CD276: variants seen among roughly 807,000 people sequenced by gnomAD.
CD276 encodes CD276 molecule.
A neutral mutation model predicts 50.0 loss-of-function variants in CD276; 34 were observed. The observed-to-expected ratio is 0.68, with a 90% CI of 0.52 to 0.91. CD276 has a LOEUF of 0.91. Among genes scored for constraint, CD276 ranks in the 40% least tolerant of loss-of-function variants. The pLI is 0.00. For synonymous variants in CD276, 275 were observed against 313.0 expected (o/e 0.88, Z 1.28); for missense variants, 634 against 717.5 (o/e 0.88, Z 1.33).
At chr15:73,692,501 G>A (rs1458302210) in intron 1 of CD276, among the ~76,000 whole-genome samples, 1 of 152,134 alleles carries the variant, frequency 6.6e-6, no homozygotes, top group Non-Finnish European at 1.5e-5. Context: ...CAGAATTGTT[G>A]GGAAGCTTAA....
At chr15:73,703,153 C>G in intron 4 of CD276, 67 bp downstream of exon 4, 1 of 1,491,020 alleles carries the variant, frequency 6.7e-7, no homozygotes, top group Non-Finnish European at 9.0e-7. Context: ...GTTGGGAGCT[C>G]CGAATCTGGC....
chr15:73,686,922 G>A (rs746248816), intron 1 of CD276, among the ~76,000 whole-genome samples: 9 of 152,134 alleles, frequency 5.9e-5, no homozygotes, highest in Non-Finnish European at 1.2e-4. Flanking sequence ...TACTGCCCAT[G>A]AGCTTATCCT....
At chr15:73,709,347 TA>T (rs1232222763) in intron 7 of CD276, among the ~76,000 whole-genome samples, 1 of 150,462 alleles carries the variant, frequency 6.6e-6, no homozygotes, top group African/African-American at 2.5e-5. Flanking sequence ...CTTGACTGGG[TA>T]AGTGGTGCAC....
intron 9 of CD276, 130 bp downstream of exon 9, chr15:73,711,300 T>C (rs1457501193): frequency 1.1e-5 from 10 of 939,432 alleles, no homozygotes; most frequent in Admixed American, 9.8e-5. Flanking sequence ...CAGCCTCAAC[T>C]TCCCCCTGGT....
Position 73,695,819 on chromosome 15 carries a change from G to A in CD276, c.-54-3767G>A, listed in dbSNP as rs145959356. 5.4e-4 allele frequency among the ~76,000 whole-genome samples: 83 copies of A among 152,318 alleles called. 1 individual carries two copies. Among genetic ancestry groups the A allele is most frequent in the African/African-American group, 1.9e-3 (81 of 41,578 alleles). On this transcript the variant is annotated intron_variant, in intron 1 of 9. Transcript: ENST00000318443. Reference sequence around the variant, plus strand: ...ACTTTGTGTCTTTCTGACCCTTTTTGTCCCTTTGTGGGAAGTGTTGCCCAA... The same window carrying A: ...ACTTTGTGTCTTTCTGACCCTTTTTATCCCTTTGTGGGAAGTGTTGCCCAA...
At chr15:73,710,938 A>G (rs1900874067) in intron 8 of CD276, among the ~76,000 whole-genome samples, 197 bp from the exon 9 acceptor site, 1 of 152,214 alleles carries the variant, frequency 6.6e-6, no homozygotes, top group African/African-American at 2.4e-5. Flanking sequence ...GAGAATGACA[A>G]GCCACAGAGT....
chr15:73,694,867 G>A (rs1266817217), intron 1 of CD276, among the ~76,000 whole-genome samples: 3 of 152,166 alleles, frequency 2.0e-5, no homozygotes, highest in Admixed American at 6.5e-5. Flanking sequence ...TGGGTGTGCT[G>A]GCAGCACCTG....
chr15:73,700,282 G>C (rs1176075741), intron 2 of CD276, among the ~76,000 whole-genome samples: 2 of 152,124 alleles, frequency 1.3e-5, no homozygotes, highest in Non-Finnish European at 2.9e-5. Flanking sequence ...TAAACGATGT[G>C]ACTCTCCCCA....
intron 1 of CD276, 96 bp from the exon 2 acceptor site, chr15:73,699,490 T>C (rs1474320183): frequency 2.4e-5 from 36 of 1,476,716 alleles, no homozygotes; most frequent in Non-Finnish European, 3.1e-5. Context: ...CAGTGGGCAG[T>C]TGCAGCCTTC....
At chr15:73,700,219 A>G (rs1245639267) in intron 2 of CD276, among the ~76,000 whole-genome samples, 1 of 152,298 alleles carries the variant, frequency 6.6e-6, no homozygotes, top group Non-Finnish European at 1.5e-5. Context: ...AGCAGGGTCC[A>G]TCTCAGGGCC....
At chr15:73,709,831 G>A (rs1225824420) in intron 8 of CD276, 142 bp downstream of exon 8, 4 of 746,860 alleles carry the variant, frequency 5.4e-6, no homozygotes, top group Non-Finnish European at 8.5e-6. Flanking sequence ...TCCCCACCCC[G>A]GTGAGTCTGC....
chr15:73,703,220 A>C, intron 4 of CD276, 134 bp downstream of exon 4: 45 of 1,066,130 alleles, frequency 4.2e-5, no homozygotes, highest in East Asian at 5.3e-5. Flanking sequence ...GAGAAAGATA[A>C]CGGGGAGGTG....
chr15:73,705,751 C>T (rs1438297600), intron 6 of CD276, among the ~76,000 whole-genome samples: 5 of 152,038 alleles, frequency 3.3e-5, no homozygotes, highest in African/African-American at 1.2e-4. Context: ...GTAGTGAGGA[C>T]ACCTCCAGGG....
chr15:73,706,443 C>T (rs771405719), intron 6 of CD276, among the ~76,000 whole-genome samples: 1 of 150,078 alleles, frequency 6.7e-6, no homozygotes, highest in African/African-American at 2.4e-5. Flanking sequence ...CAGCAGTTTG[C>T]ACATAACTCT....
chr15:73,701,418 T>C (rs1427603667), intron 2 of CD276, among the ~76,000 whole-genome samples: 1 of 152,202 alleles, frequency 6.6e-6, no homozygotes, highest in Non-Finnish European at 1.5e-5. Context: ...TCCCCAGTGA[T>C]TCCCATTACT....
rs1337464288 is a variant in CD276, at chr15:73,704,923, CTCT to C, written c.1369+457_1369+459del. Among the ~76,000 whole-genome samples the C allele has an allele frequency of 2.0e-5, 3 of 152,228 alleles. No individual in the cohort carries two copies. Among genetic ancestry groups the C allele is most frequent in the East Asian group, 3.9e-4 (2 of 5,192 alleles). ...TCCCCAACACCTGAGTCAACGTCAGCTCTTCTTCCTGCAGACTTGCGCTCCACC... is the reference window on the plus strand; with the variant it reads ...TCCCCAACACCTGAGTCAACGTCAGCTCTTCCTGCAGACTTGCGCTCCACC... On this transcript the variant is annotated intron_variant, in intron 6 of 9. Transcript: ENST00000318443. The surrounding 1 kb of genome is among the most constrained non-coding windows in gnomAD (Gnocchi z 4.1).
At position 73,695,635 on chromosome 15, in the gene CD276, T is replaced by C. The variant is rs557502427; in HGVS notation, c.-54-3951T>C. On this transcript the variant is annotated intron_variant, in intron 1 of 9. Coordinates refer to ENST00000318443, the MANE Select transcript of CD276 (RefSeq NM_001024736.2). ...TGAAATGAATTACTAAAGACATGAATGCATGTGGATTCAAGGACTCCTTCG... is the reference window on the plus strand; with the variant it reads ...TGAAATGAATTACTAAAGACATGAACGCATGTGGATTCAAGGACTCCTTCG... Among the ~76,000 whole-genome samples, 62 of 152,310 alleles carry C rather than the reference T, an allele frequency of 4.1e-4. 4 individuals carry two copies. In the South Asian group the frequency reaches 0.013, roughly 31 times the overall value.
Position 73,713,178 on chromosome 15 carries a change from G to C in CD276, c.*222G>C, listed in dbSNP as rs1010490954. The C allele has an allele frequency of 1.9e-6, 1 of 525,400 alleles. No individual in the cohort carries two copies. Among genetic ancestry groups the C allele is most frequent in the Non-Finnish European group, 3.3e-6 (1 of 298,748 alleles). 32.5% of individuals were successfully genotyped at this position (525,400 alleles called of 1,614,324 possible). A position where few individuals can be genotyped will look rare whatever the true frequency, so the allele number is the denominator to read the frequency against. ...TTTTTTCTTATAGACACAATGAACA[G>C]ACCACCCACAACCTTAGTTCTCTAA... is the stretch of plus-strand genomic sequence containing the variant. On this transcript the variant is annotated 3_prime_UTR_variant, in exon 10 of 10. Transcript: ENST00000318443.
rs574644136 is a variant in CD276 at position 73,692,892 on chromosome 15, C to T, written c.-54-6694C>T. Among the ~76,000 whole-genome samples, 4 of 152,324 alleles carry T rather than the reference C, an allele frequency of 2.6e-5. No individual in the cohort carries two copies. The South Asian group carries it at 8.3e-4, about 32-fold the overall frequency. On this transcript the variant is annotated intron_variant, in intron 1 of 9. Coordinates refer to ENST00000318443, the MANE Select transcript of CD276 (RefSeq NM_001024736.2). ...TCTTGTTCTTAATCCTTGACAAAGT[C>T]CTGGAACCAATGAGCACTTGAAGAA...
Sources: allele counts gnomAD v4.1 joint callset (sites outside exome capture counted in the v4.1 genomes callset), GRCh38; gene constraint gnomAD v4.1.1; non-coding constraint Gnocchi (gnomAD v3.1); transcripts MANE v1.5; gene names NCBI Gene and HGNC (gene_info 2026-07-23, HGNC 2026-07-21).